The following DMD variants were observed in gnomAD, a reference collection of about 807,000 sequenced individuals.
The protein encoded by DMD is mutant dystrophin.
Under a neutral mutation model 330.1 loss-of-function variants are expected in DMD, and 63 were observed. That is an observed-to-expected ratio of 0.19 (90% CI 0.16 to 0.24). The LOEUF is 0.24. Among genes scored for constraint, DMD ranks in the 10% least tolerant of loss-of-function variants. The probability of loss-of-function intolerance (pLI) is 1.00; values close to 1 mark genes in which losing one functional copy is unlikely to be tolerated. For synonymous variants in DMD, 1,223 were observed against 959.8 expected, an observed-to-expected ratio of 1.27 and a Z score of -5.07; for missense variants, 3,344 against 2,684.1, an observed-to-expected ratio of 1.25 and a Z score of -5.43.
At chrX:33,339,164 C>A (rs925365570) in intron 1 of DMD, 37 of 931,913 alleles carry the variant, frequency 4.0e-5, no homozygotes, top group Middle Eastern at 3.1e-4. Flanking sequence ...CGGCAACAAA[C>A]CCCAGCTACC....
chrX:32,872,392 G>A (rs1186706603), intron 2 of DMD, among the ~76,000 whole-genome samples: 1 of 111,596 alleles, frequency 9.0e-6, no homozygotes, highest in Non-Finnish European at 1.9e-5. Flanking sequence ...TTAAACCACA[G>A]TATACTGTTC....
intron 44 of DMD, among the ~76,000 whole-genome samples, chrX:32,005,186 A>G (rs1022759772): frequency 2.7e-5 from 3 of 111,950 alleles, no homozygotes; most frequent in Admixed American, 9.6e-5. Flanking sequence ...CCCAGAGCAT[A>G]TCTAGCCTTT....
At chrX:31,970,004 C>T in intron 44 of DMD, among the ~76,000 whole-genome samples, 1 of 111,806 alleles carries the variant, frequency 8.9e-6, no homozygotes. Context: ...GTAATAGAGA[C>T]ACCAGTCATA....
intron 7 of DMD, among the ~76,000 whole-genome samples, chrX:32,772,887 AG>A (rs1477294630): frequency 9.1e-6 from 1 of 109,734 alleles, no homozygotes; most frequent in Non-Finnish European, 1.9e-5. Context: ...AAGCTCAAGT[AG>A]ATTTACAGAA....
chrX:32,244,576 A>G (rs112528896), intron 43 of DMD, among the ~76,000 whole-genome samples: 2,957 of 76,103 alleles, frequency 0.039, 41 homozygotes, highest in Middle Eastern at 0.06. Flanking sequence ...CAGTCCCACC[A>G]ACAGTGTAAA....
intron 47 of DMD, among the ~76,000 whole-genome samples, chrX:31,927,560 G>A (rs1221041262): frequency 9.0e-6 from 1 of 111,191 alleles, no homozygotes; most frequent in African/African-American, 3.3e-5. Context: ...TAATTGCTGG[G>A]ACACCACCTT....
intron 1 of DMD, among the ~76,000 whole-genome samples, chrX:33,271,744 C>T (rs1247529700): frequency 3.2e-5 from 3 of 92,607 alleles, no homozygotes; most frequent in South Asian, 5.5e-4. Context: ...CCAGCCTGGG[C>T]GACAAAGCGA....
chrX:32,392,432 T>A (rs1034621900), intron 30 of DMD, among the ~76,000 whole-genome samples: 12 of 110,934 alleles, frequency 1.1e-4, no homozygotes, highest in Non-Finnish European at 1.7e-4. Context: ...CTAATTTTTA[T>A]ATTTTTTAGT....
chrX:32,229,681 CATATATATATATATATATAT>C (rs55916475), intron 43 of DMD, among the ~76,000 whole-genome samples: 18 of 24,342 alleles, frequency 7.4e-4, no homozygotes, highest in African/African-American at 1.6e-3. Flanking sequence ...AGAGTTTCAT[CATATATATATATATATATAT>C]ATATATATAT....
At chrX:31,930,123 T>C (rs779297658) in intron 46 of DMD, among the ~76,000 whole-genome samples, 2 of 111,217 alleles carry the variant, frequency 1.8e-5, no homozygotes, top group South Asian at 7.7e-4. Context: ...ATACCGTAGC[T>C]TGCTGCTGAG....
At position 32,235,148 on chromosome X, in the gene DMD, A is replaced by G. The variant is rs190389049; in HGVS notation, c.6291-18085T>C. Reference sequence around the variant, plus strand: ...TAATGAAATAATTATACAACTCACCATAATGTAGATTCAGTGGGAGCCTTG... The same window carrying G: ...TAATGAAATAATTATACAACTCACCGTAATGTAGATTCAGTGGGAGCCTTG... On this transcript the variant is annotated intron_variant, in intron 43 of 78. Coordinates refer to ENST00000357033, the MANE Select transcript of DMD (RefSeq NM_004006.3). Among the ~76,000 whole-genome samples, 676 of 111,583 alleles carry G rather than the reference A, an allele frequency of 6.1e-3. 7 individuals carry two copies. The highest frequency in any genetic ancestry group is 0.021 in the African/African-American group (644 of 30,663).
chrX:31,971,087 G>A (rs1042496832), intron 44 of DMD, among the ~76,000 whole-genome samples: 2 of 111,656 alleles, frequency 1.8e-5, no homozygotes, highest in Non-Finnish European at 3.8e-5. Flanking sequence ...TGCTGCATTA[G>A]GTCCGTGGAG....
chrX:33,204,578 C>T (rs1569558327), intron 1 of DMD, among the ~76,000 whole-genome samples: 1 of 111,474 alleles, frequency 9.0e-6, no homozygotes, highest in Non-Finnish European at 1.9e-5. Flanking sequence ...CCCTTATCTC[C>T]AATGCAAGTA....
intron 59 of DMD, among the ~76,000 whole-genome samples, chrX:31,469,093 G>GCA (rs1400861511): frequency 9.0e-6 from 1 of 110,977 alleles, no homozygotes; most frequent in Non-Finnish European, 1.9e-5. Context: ...TCTGAATACA[G>GCA]CACACTGATG....
intron 1 of DMD, among the ~76,000 whole-genome samples, chrX:33,155,897 A>G (rs1156769897): frequency 1.8e-5 from 2 of 111,653 alleles, no homozygotes; most frequent in Non-Finnish European, 3.8e-5. Flanking sequence ...ACCACGCTTC[A>G]GCCCAAGTGA....
intron 44 of DMD, among the ~76,000 whole-genome samples, chrX:32,184,972 A>G (rs1354492270): frequency 9.2e-6 from 1 of 108,624 alleles, no homozygotes; most frequent in East Asian, 2.9e-4. Flanking sequence ...AGGTTACTCC[A>G]CTGTGAGGAC....
chrX:32,545,216 G>A lies in DMD; in HGVS notation c.2111C>T (p.Pro704Leu). 3.3e-6 allele frequency: 4 copies of A among 1,210,642 alleles called. No homozygotes were observed. Among genetic ancestry groups the A allele is most frequent in the Non-Finnish European group, 4.5e-6 (4 of 894,664 alleles). ...ILVKHAQEELPPPPPQKKRQI... is the reference protein window; with the variant it reads ...ILVKHAQEELLPPPPQKKRQI... ...CCTCTTCTTTTGGGGAGGTGGTGGT[G>A]GAAGTTCCTCTTGAGCATGCTTTAC... The change falls in exon 17 of 79, where the codon CCA (proline) becomes CTA (leucine). Residue 704 changes from proline to leucine, a missense_variant. Pro to Leu is a moderately conservative substitution (Grantham distance 98). Coordinates refer to ENST00000357033, the MANE Select transcript of DMD (RefSeq NM_004006.3).
At chrX:31,362,665 C>G (rs1173150100) in intron 60 of DMD, among the ~76,000 whole-genome samples, 3 of 113,122 alleles carry the variant, frequency 2.7e-5, no homozygotes, top group African/African-American at 9.6e-5. Flanking sequence ...CAGAGTAAGG[C>G]CGGGTGCGGT....
chrX:32,766,633 A>C (rs1403991260), intron 7 of DMD, among the ~76,000 whole-genome samples: 3 of 111,444 alleles, frequency 2.7e-5, no homozygotes, highest in African/African-American at 9.8e-5. Flanking sequence ...AGATCATATC[A>C]TCTGAGAAGC....
Sources: gnomAD v4.1 joint callset for allele counts (sites outside exome capture counted in the v4.1 genomes callset) on GRCh38, gnomAD v4.1.1 for gene constraint, MANE v1.5 for transcripts, NCBI Gene and HGNC (gene_info 2026-07-23, HGNC 2026-07-21) for gene names.